The following CXCR2 variants were observed in gnomAD, a reference collection of about 807,000 sequenced individuals.
The protein encoded by CXCR2 is C-X-C chemokine receptor type 2.
In CXCR2, 2 loss-of-function variants were observed where a neutral mutation model predicts 3.7. The ratio of observed to expected loss-of-function variants is 0.55; its 90% CI spans 0.22 to 1.72. The LOEUF is 1.72. CXCR2 is among the 40% of genes most tolerant of loss of function. The probability of loss-of-function intolerance (pLI) is 0.19; values close to 1 mark genes in which losing one functional copy is unlikely to be tolerated. For missense variants in CXCR2, 351 were observed against 450.1 expected (o/e 0.78, Z 1.99); for synonymous variants, 203 against 193.3 (o/e 1.05, Z -0.41).
rs779316036 is a variant in CXCR2 at position 218,135,069 on chromosome 2, C to T, written c.268C>T (p.Leu90=). The change falls in exon 3 of 3, where the codon CTA becomes TTA. Residue 90 remains leucine, a synonymous_variant. Coordinates refer to ENST00000318507, the MANE Select transcript of CXCR2 (RefSeq NM_001557.4). This position sits in a 1 kb window ranked among gnomAD's most constrained non-coding sequence, Gnocchi z 4.0. ...RSVTDVYLLN[L]ALADLLFALT... ...CGTCACTGATGTCTACCTGCTGAAC[C>T]TAGCCTTGGCCGACCTACTCTTTGC... The T allele has an allele frequency of 6.2e-7, 1 of 1,614,228 alleles. No individual in the cohort carries two copies. Among genetic ancestry groups the T allele is most frequent in the Non-Finnish European group, 8.5e-7 (1 of 1,180,044 alleles).
Position 218,135,192 on chromosome 2 carries a change from T to C in CXCR2, c.391T>C (p.Tyr131His). Residue 131 changes from tyrosine to histidine, a missense_variant, in exon 3 of 3, where the codon TAT (tyrosine) becomes CAT (histidine). By Grantham distance (83) the Tyr-to-His change is moderately conservative. Transcript: ENST00000318507. The surrounding 1 kb of genome is among the most constrained non-coding windows in gnomAD (Gnocchi z 4.0). ...VVSLLKEVNF[Y>H]SGILLLACIS... ...CTCACTCCTGAAGGAAGTCAACTTC[T>C]ATAGTGGCATCCTGCTACTGGCCTG... The C allele has an allele frequency of 1.2e-6, 2 of 1,614,250 alleles. No individual in the cohort carries two copies. The highest frequency in any genetic ancestry group is 1.6e-4 in the Middle Eastern group (1 of 6,062).
rs17844759 is a variant in CXCR2 at position 218,130,369 on chromosome 2, G to A, written c.-26+1004G>A. Among the ~76,000 whole-genome samples the A allele has an allele frequency of 1.2e-3, 179 of 152,228 alleles. No individual in the cohort carries two copies. In the Middle Eastern group the frequency reaches 0.02, roughly 17 times the overall value. On this transcript the variant is annotated intron_variant, in intron 2 of 2. Coordinates refer to ENST00000318507, the MANE Select transcript of CXCR2 (RefSeq NM_001557.4). ...CGGGAGGTGGAGGTTGCAGTGAGCC[G>A]AGATCACGCCATTGCACTCCAGCCT...
Position 218,135,852 on chromosome 2 carries a change from T to C in CXCR2, c.1051T>C (p.Ser351Pro). ...AGACAGCAGGCCTTCCTTTGTTGGC[T>C]CTTCTTCAGGGCACACTTCCACTAC... The part of the protein sequence containing the change: ...PKDSRPSFVG[S>P]SSGHTSTTL Residue 351 changes from serine (S) to proline (P), a missense_variant, in exon 3 of 3, where the codon TCT becomes CCT. By Grantham distance (74) the Ser-to-Pro change is moderately conservative. Transcript: ENST00000318507. This position sits in a 1 kb window ranked among gnomAD's most constrained non-coding sequence, Gnocchi z 4.0. 4 of 1,613,372 alleles carry C rather than the reference T, an allele frequency of 2.5e-6. No homozygotes were observed. Among genetic ancestry groups the C allele is most frequent in the Non-Finnish European group, 3.4e-6 (4 of 1,179,536 alleles).
At chr2:218,129,186 G>T (rs1391396091) in intron 1 of CXCR2, 128 bp from the exon 2 acceptor site, 1 of 152,260 alleles carries the variant, frequency 6.6e-6, no homozygotes, top group African/African-American at 2.4e-5. Flanking sequence ...AGCTGATCTG[G>T]GAACTAATTA....
Position 218,135,071 on chromosome 2 carries a change from A to G in CXCR2, c.270A>G (p.Leu90=), listed in dbSNP as rs200819332. Residue 90 remains leucine (L), a synonymous_variant, in exon 3 of 3, where the codon CTA becomes CTG. Coordinates refer to ENST00000318507, the MANE Select transcript of CXCR2 (RefSeq NM_001557.4). This position sits in a 1 kb window ranked among gnomAD's most constrained non-coding sequence, Gnocchi z 4.0. ...RSVTDVYLLN[L]ALADLLFALT... Reference sequence around the variant, plus strand: ...TCACTGATGTCTACCTGCTGAACCTAGCCTTGGCCGACCTACTCTTTGCCC... The same window carrying G: ...TCACTGATGTCTACCTGCTGAACCTGGCCTTGGCCGACCTACTCTTTGCCC... 59 of 1,614,142 alleles carry G rather than the reference A, an allele frequency of 3.7e-5. No homozygotes were observed. Among genetic ancestry groups the G allele is most frequent in the Admixed American group, 1.3e-4 (8 of 60,024 alleles).
At position 218,135,837 on chromosome 2, in the gene CXCR2, C is replaced by A. The variant is rs200600788; in HGVS notation, c.1036C>A (p.Pro346Thr). 1.7e-5 allele frequency: 27 copies of A among 1,613,692 alleles called. No homozygotes were observed. The highest frequency in any genetic ancestry group is 4.0e-5 in the African/African-American group (3 of 74,906). ...SKDSLPKDSRPSFVGSSSGHT... is the reference protein window; with the variant it reads ...SKDSLPKDSRTSFVGSSSGHT... ...GGACTCCCTGCCCAAAGACAGCAGG[C>A]CTTCCTTTGTTGGCTCTTCTTCAGG... The change falls in exon 3 of 3, where the codon CCT (proline) becomes ACT (threonine). Residue 346 changes from proline (P) to threonine (T), a missense_variant. Pro to Thr is a conservative substitution (Grantham distance 38). Transcript: ENST00000318507. The surrounding 1 kb of genome is among the most constrained non-coding windows in gnomAD (Gnocchi z 4.0).
chr2:218,131,109 C>T (rs1690634567), intron 2 of CXCR2: 2 of 152,310 alleles, frequency 1.3e-5, no homozygotes, highest in African/African-American at 2.4e-5. Flanking sequence ...TTCATACATA[C>T]AAGGCCCTGC....
intron 1 of CXCR2, among the ~76,000 whole-genome samples, chr2:218,127,316 G>A (rs1300667430): frequency 4.0e-5 from 6 of 151,618 alleles, no homozygotes; most frequent in African/African-American, 9.7e-5. Context: ...TAATAGAGGC[G>A]GGGTTTCACC....
At position 218,136,288 on chromosome 2, in the gene CXCR2, G is replaced by C. The variant is rs1374444349; in HGVS notation, c.*404G>C. The C allele has an allele frequency of 5.8e-6, 1 of 171,100 alleles. No homozygotes were observed. Among genetic ancestry groups the C allele is most frequent in the Non-Finnish European group, 1.4e-5 (1 of 72,222 alleles). 10.6% of individuals were successfully genotyped at this position (171,100 alleles called of 1,614,324 possible). A position where few individuals can be genotyped will look rare whatever the true frequency, so the allele number is the denominator to read the frequency against. Reference sequence around the variant, plus strand: ...AAAATACAAAAAAAAAAAAAAATTAGCCGGGCGTGGTGGTGAGTGCCTGTA... The same window carrying C: ...AAAATACAAAAAAAAAAAAAAATTACCCGGGCGTGGTGGTGAGTGCCTGTA... On this transcript the variant is annotated 3_prime_UTR_variant, in exon 3 of 3. Coordinates refer to ENST00000318507, the MANE Select transcript of CXCR2 (RefSeq NM_001557.4).
At position 218,132,999 on chromosome 2, in the gene CXCR2, T is replaced by A. The variant is rs1172052320; in HGVS notation, c.-25-1778T>A. Among the ~76,000 whole-genome samples the A allele has an allele frequency of 2.0e-5, 3 of 152,222 alleles. No homozygotes were observed. In the South Asian group the frequency reaches 6.2e-4, roughly 32 times the overall value. Reference sequence around the variant, plus strand: ...CACCATCTTACATTCCCACCTGCAATGTGGGAGAGTTCTGACTTTTCCACT... The same window carrying A: ...CACCATCTTACATTCCCACCTGCAAAGTGGGAGAGTTCTGACTTTTCCACT... On this transcript the variant is annotated intron_variant, in intron 2 of 2. Transcript: ENST00000318507.
intron 1 of CXCR2, among the ~76,000 whole-genome samples, chr2:218,127,584 G>A (rs1690541135): frequency 6.6e-6 from 1 of 152,182 alleles, no homozygotes; most frequent in Admixed American, 6.5e-5. Context: ...GACACAGGGA[G>A]GTACCTAATG....
rs777019714 is a variant in CXCR2, at chr2:218,135,686, T to C, written c.885T>C (p.Ala295=). The C allele has an allele frequency of 1.2e-6, 2 of 1,613,956 alleles. No homozygotes were observed. Among genetic ancestry groups the C allele is most frequent in the African/African-American group, 2.7e-5 (2 of 74,862 alleles). Residue 295 remains alanine (A), a synonymous_variant, in exon 3 of 3, where the codon GCT becomes GCC. Coordinates refer to ENST00000318507, the MANE Select transcript of CXCR2 (RefSeq NM_001557.4). The surrounding 1 kb of genome is among the most constrained non-coding windows in gnomAD (Gnocchi z 4.0). ...AGCGCCGCAATCACATCGACCGGGC[T>C]CTGGATGCCACCGAGATTCTGGGCA... The part of the protein sequence containing the change: ...TCERRNHIDR[A]LDATEILGIL...
In CXCR2 at chr2:218,137,111, T is replaced by TA. The variant is rs1021736644; in HGVS notation, c.*1236dup. 8 of 166,666 alleles carry TA rather than the reference T, an allele frequency of 4.8e-5. No homozygotes were observed. The highest frequency in any genetic ancestry group is 1.9e-4 in the East Asian group (1 of 5,306). The allele number at this position is 166,666 out of a possible 1,614,324, so 10.3% of individuals were successfully genotyped here. ...TTGTTATGTATATTTTATATCAATT[T>TA]AAAAAAAAACCTGAGCCCCAAAAGG... On this transcript the variant is annotated 3_prime_UTR_variant, in exon 3 of 3. Coordinates refer to ENST00000318507, the MANE Select transcript of CXCR2 (RefSeq NM_001557.4).
At chr2:218,125,409 C>T (rs1690485624), upstream of CXCR2, 1 of 152,094 alleles carries the variant, frequency 6.6e-6, no homozygotes, top group Admixed American at 6.5e-5. Flanking sequence ...CCACTTCTTT[C>T]AAAAGTTCTG....
At chr2:218,131,630 C>T (rs1690649590) in intron 2 of CXCR2, among the ~76,000 whole-genome samples, 2 of 152,068 alleles carry the variant, frequency 1.3e-5, no homozygotes, top group Middle Eastern at 6.8e-3. Flanking sequence ...CCACCACGCC[C>T]AGCTAATTTT....
chr2:218,133,959 T>G (rs1423599365), intron 2 of CXCR2, among the ~76,000 whole-genome samples: 1 of 152,234 alleles, frequency 6.6e-6, no homozygotes, highest in Non-Finnish European at 1.5e-5. Flanking sequence ...GCTTGCTTAT[T>G]GTTTTTAATA....
rs1690740032 is a variant in CXCR2 at position 218,134,830 on chromosome 2, G to A, written c.29G>A (p.Ser10Asn). 1.2e-6 allele frequency: 2 copies of A among 1,613,814 alleles called. No homozygotes were observed. The highest frequency in any genetic ancestry group is 2.7e-5 in the African/African-American group (2 of 74,904). Reference sequence around the variant, plus strand: ...GAAGATTTTAACATGGAGAGTGACAGCTTTGAAGATTTCTGGAAAGGTGAA... The same window carrying A: ...GAAGATTTTAACATGGAGAGTGACAACTTTGAAGATTTCTGGAAAGGTGAA... MEDFNMESDSFEDFWKGEDL... is the reference protein window; with the variant it reads MEDFNMESDNFEDFWKGEDL... Residue 10 changes from serine to asparagine, a missense_variant, in exon 3 of 3, where the codon AGC (serine) becomes AAC (asparagine). Ser to Asn is a conservative substitution (Grantham distance 46, BLOSUM62 1). Transcript: ENST00000318507.
intron 2 of CXCR2, among the ~76,000 whole-genome samples, chr2:218,133,927 C>A (rs1690714573): frequency 6.6e-6 from 1 of 152,210 alleles, no homozygotes; most frequent in Non-Finnish European, 1.5e-5. Flanking sequence ...CGTTTCCACC[C>A]ACAGGGAGAA....
In CXCR2 at chr2:218,135,116, C is replaced by T. The variant is rs761868394; in HGVS notation, c.315C>T (p.Ala105=). The T allele has an allele frequency of 1.1e-5, 17 of 1,614,196 alleles. No homozygotes were observed. The highest frequency in any genetic ancestry group is 5.5e-5 in the South Asian group (5 of 91,082). ...TTGCCCTGACCTTGCCCATCTGGGC[C>T]GCCTCCAAGGTGAATGGCTGGATTT... is the stretch of plus-strand genomic sequence containing the variant. ...LLFALTLPIW[A]ASKVNGWIFG... Residue 105 remains alanine (A), a synonymous_variant, in exon 3 of 3, where the codon GCC becomes GCT. Transcript: ENST00000318507. This position sits in a 1 kb window ranked among gnomAD's most constrained non-coding sequence, Gnocchi z 4.0.
Sources: gnomAD v4.1 joint callset for allele counts (sites outside exome capture counted in the v4.1 genomes callset) on GRCh38, gnomAD v4.1.1 for gene constraint, Gnocchi (gnomAD v3.1) non-coding constraint, MANE v1.5 for transcripts, NCBI Gene and HGNC (gene_info 2026-07-23, HGNC 2026-07-21) for gene names.